Variants in RASEF observed in about 807,000 individuals in gnomAD.
RASEF encodes ras and EF-hand domain-containing protein.
Under a neutral mutation model 90.1 loss-of-function variants are expected in RASEF, and 68 were observed. The observed-to-expected ratio is 0.75, with a 90% CI of 0.62 to 0.92. The LOEUF is 0.92. Among genes scored for constraint, RASEF ranks in the 40% least tolerant of loss-of-function variants. RASEF has a pLI of 0.00. For synonymous variants in RASEF, 331 were observed against 345.2 expected (o/e 0.96, Z 0.46); for missense variants, 949 against 937.2 (o/e 1.01, Z -0.16).
At chr9:83,185,981 A>AG in the RASEF span, among the ~76,000 whole-genome samples, 1 of 151,674 alleles carries the variant, frequency 6.6e-6, no homozygotes, top group Non-Finnish European at 1.5e-5. Context: ...GGGGGGGGCA[A>AG]GGGGGGTGTT....
At chr9:83,092,710 G>T in the RASEF span, among the ~76,000 whole-genome samples, 2 of 152,292 alleles carry the variant, frequency 1.3e-5, no homozygotes, top group Admixed American at 1.3e-4. Flanking sequence ...TGGGCACCCT[G>T]CTTTTATTTT....
rs762152922 is a variant in RASEF, at chr9:83,009,708, C to T, written c.892G>A (p.Ala298Thr). The T allele has an allele frequency of 2.5e-6, 4 of 1,613,592 alleles. No homozygotes were observed. In the African/African-American group the frequency reaches 5.3e-5, roughly 22 times the overall value. The change falls in exon 6 of 17, where the codon GCC becomes ACC. Residue 298 changes from alanine to threonine, a missense_variant. This residue lies in a region of RASEF where 656 missense variants were observed against 592.2 expected (regional missense o/e 1.11). Coordinates refer to ENST00000376447, the MANE Select transcript of RASEF (RefSeq NM_152573.4). The part of the protein sequence containing the change: ...KDLLEAQTNI[A>T]FLQSELDALK... ...GCATCTAACTCACTCTGAAGAAAGG[C>T]TATGTTTGTCTGTGCTTCTAAAAGG... is the stretch of plus-strand genomic sequence containing the variant.
At chr9:83,193,245 G>A in the RASEF span, among the ~76,000 whole-genome samples, 1 of 152,090 alleles carries the variant, frequency 6.6e-6, no homozygotes, top group Non-Finnish European at 1.5e-5. Context: ...TCCTCACATA[G>A]ACCTACACTA....
At chr9:83,013,463 G>A (rs1416061053) in intron 4 of RASEF, among the ~76,000 whole-genome samples, 1 of 152,184 alleles carries the variant, frequency 6.6e-6, no homozygotes, top group Non-Finnish European at 1.5e-5. Flanking sequence ...ATTTAAACAC[G>A]CATTTTGACT....
chr9:83,108,457 T>C, the RASEF span, among the ~76,000 whole-genome samples: 1 of 152,152 alleles, frequency 6.6e-6, no homozygotes, highest in South Asian at 2.1e-4. Context: ...CAATATTTAC[T>C]ATCTGGCTCT....
the RASEF span, among the ~76,000 whole-genome samples, chr9:83,090,540 A>C: frequency 4.6e-5 from 7 of 151,970 alleles, no homozygotes; most frequent in Non-Finnish European, 7.4e-5. Flanking sequence ...AGTAGCTGGG[A>C]TTACAGGCAT....
chr9:83,197,652 A>G, the RASEF span, among the ~76,000 whole-genome samples: 3 of 152,210 alleles, frequency 2.0e-5, no homozygotes, highest in African/African-American at 7.2e-5. Flanking sequence ...TCCAAGAGTG[A>G]TGCTAACATT....
the RASEF span, among the ~76,000 whole-genome samples, chr9:83,138,506 T>C: frequency 6.6e-6 from 1 of 152,196 alleles, no homozygotes; most frequent in Non-Finnish European, 1.5e-5. Context: ...ATGGAATCTA[T>C]TTTGAGGCGT....
chr9:83,048,775 G>GAAATCCTCA, intron 1 of RASEF: 1 of 978,342 alleles, frequency 1.0e-6, no homozygotes, highest in Admixed American at 6.1e-5. Flanking sequence ...TATAGTTCTT[G>GAAATCCTCA]AGGATTTCAA....
chr9:83,199,570 C>T, the RASEF span, among the ~76,000 whole-genome samples: 3 of 152,174 alleles, frequency 2.0e-5, no homozygotes, highest in Non-Finnish European at 4.4e-5. Flanking sequence ...ACTTCTAAAT[C>T]CTCTTACGCA....
the RASEF span, among the ~76,000 whole-genome samples, chr9:83,083,081 A>G: frequency 1.2e-3 from 185 of 152,234 alleles, 1 homozygote; most frequent in African/African-American, 4.3e-3. Flanking sequence ...TGCATCCTCT[A>G]TCTAATATAT....
intron 1 of RASEF, among the ~76,000 whole-genome samples, chr9:83,046,815 T>C (rs1829940982): frequency 6.6e-6 from 1 of 152,188 alleles, no homozygotes; most frequent in East Asian, 1.9e-4. Flanking sequence ...AAATGCTGCC[T>C]AAACCTCCCA....
chr9:83,007,905 T>G (rs961652611), intron 6 of RASEF, among the ~76,000 whole-genome samples: 1 of 152,176 alleles, frequency 6.6e-6, no homozygotes, highest in South Asian at 2.1e-4. Context: ...CCTCTGAACC[T>G]TCCCTGCTCA....
Position 83,022,379 on chromosome 9 carries a change from A to G in RASEF, c.626T>C (p.Met209Thr). 6.2e-7 allele frequency: 1 copy of G among 1,614,064 alleles called. No homozygotes were observed. The highest frequency in any genetic ancestry group is 8.5e-7 in the Non-Finnish European group (1 of 1,180,000). ...TTCTGCAGCCTGAATCCTCTGATCC[A>G]TTTCCTCTTCCAACTCACTCAACTG... ...AMQLSELEEE[M>T]DQRIQAAEHK... The change falls in exon 3 of 17, where the codon ATG becomes ACG. Residue 209 changes from methionine to threonine, a missense_variant. By Grantham distance (81) the Met-to-Thr change is moderately conservative. This residue lies in a region of RASEF where 656 missense variants were observed against 592.2 expected (regional missense o/e 1.11). Coordinates refer to ENST00000376447, the MANE Select transcript of RASEF (RefSeq NM_152573.4).
chr9:82,998,537 T>C (rs1828964315), intron 12 of RASEF, 91 bp from the exon 13 acceptor site: 1 of 804,588 alleles, frequency 1.2e-6, no homozygotes. Context: ...CAAAAGCCAA[T>C]AATACACAGC....
At chr9:83,040,512 A>G (rs999655743) in intron 1 of RASEF, among the ~76,000 whole-genome samples, 1 of 152,324 alleles carries the variant, frequency 6.6e-6, no homozygotes, top group East Asian at 1.9e-4. Flanking sequence ...TGTCATTCTA[A>G]AATCTCCAAA....
At chr9:83,178,314 T>A in the RASEF span, among the ~76,000 whole-genome samples, 1 of 152,204 alleles carries the variant, frequency 6.6e-6, no homozygotes, top group South Asian at 2.1e-4. Flanking sequence ...TAGATAGTTC[T>A]TGCTTCTCTC....
Position 83,004,526 on chromosome 9 carries a change from G to C in RASEF, c.1174C>G (p.His392Asp), listed in dbSNP as rs769817954. 1 of 1,603,484 alleles carries C rather than the reference G, an allele frequency of 6.2e-7. No homozygotes were observed. Among genetic ancestry groups the C allele is most frequent in the Non-Finnish European group, 8.5e-7 (1 of 1,170,426 alleles). ...TCATAGCCTAGAGGTTGAGGGGAAT[G>C]ACCAATGAATTTGGGACTGCTTCTA... ...ISRSSPKFIG[H>D]SPQPLGYDRS... The change falls in exon 9 of 17, where the codon CAT (histidine) becomes GAT (aspartate). Residue 392 changes from histidine (H) to aspartate (D), a missense_variant. By Grantham distance (81) the His-to-Asp change is moderately conservative. This residue lies in a region of RASEF where 656 missense variants were observed against 592.2 expected (regional missense o/e 1.11). Coordinates refer to ENST00000376447, the MANE Select transcript of RASEF (RefSeq NM_152573.4).
chr9:83,002,980 C>T (rs1335658878), intron 9 of RASEF, among the ~76,000 whole-genome samples: 1 of 152,090 alleles, frequency 6.6e-6, no homozygotes, highest in Non-Finnish European at 1.5e-5. Flanking sequence ...AACCATCTTG[C>T]CAACACTCAA....
Sources: gnomAD v4.1 joint callset for allele counts (sites outside exome capture counted in the v4.1 genomes callset) on GRCh38, gnomAD v4.1.1 for gene constraint, gnomAD v4.1.1 regional missense constraint, MANE v1.5 for transcripts, NCBI Gene and HGNC (gene_info 2026-07-23, HGNC 2026-07-21) for gene names.